The following GRIK2 variants were observed in gnomAD, a reference collection of about 807,000 sequenced individuals.
The protein encoded by GRIK2 is glutamate ionotropic receptor kainate type subunit 2.
A neutral mutation model predicts 100.3 loss-of-function variants in GRIK2; 32 were observed. The observed-to-expected ratio is 0.32, with a 90% CI of 0.24 to 0.43. The LOEUF (loss-of-function observed/expected upper bound fraction) is 0.43. GRIK2 is among the 20% of genes least tolerant of loss of function. The pLI, the probability that GRIK2 is intolerant of heterozygous loss-of-function variation, is 1.00. For missense variants in GRIK2, 843 were observed against 1,114.9 expected (o/e 0.76, Z 3.47); for synonymous variants, 417 against 389.4 (o/e 1.07, Z -0.83).
chr6:101,624,572 A>G (rs1330201655), intron 3 of GRIK2, among the ~76,000 whole-genome samples: 2 of 152,152 alleles, frequency 1.3e-5, no homozygotes, highest in Non-Finnish European at 2.9e-5. Flanking sequence ...AATAGCAGAA[A>G]TTTTCACACG....
chr6:101,791,318 C>A (rs1779839345), intron 7 of GRIK2, among the ~76,000 whole-genome samples: 1 of 152,126 alleles, frequency 6.6e-6, no homozygotes, highest in South Asian at 2.1e-4. Flanking sequence ...AATTTTGGAT[C>A]TTTCCTGCTT....
At chr6:101,730,865 G>A (rs1350492578) in intron 7 of GRIK2, among the ~76,000 whole-genome samples, 4 of 151,848 alleles carry the variant, frequency 2.6e-5, no homozygotes, top group African/African-American at 9.7e-5. Context: ...AGGATACAAA[G>A]TTAGTGTTTA....
chr6:101,903,703 A>C (rs955203822), intron 12 of GRIK2, among the ~76,000 whole-genome samples: 3 of 151,640 alleles, frequency 2.0e-5, no homozygotes, highest in Non-Finnish European at 4.4e-5. Context: ...TGTAGAAAAT[A>C]ACTCTGATTT....
At chr6:101,682,513 C>T in intron 5 of GRIK2, 40 bp from the exon 6 acceptor site, 1 of 871,700 alleles carries the variant, frequency 1.1e-6, no homozygotes, top group Non-Finnish European at 1.9e-6. Context: ...TACTGTCTTT[C>T]CTGAAATATG....
chr6:101,978,286 T>TATATG (rs1793519238), intron 14 of GRIK2, among the ~76,000 whole-genome samples: 2 of 152,018 alleles, frequency 1.3e-5, no homozygotes, highest in Admixed American at 1.3e-4. Flanking sequence ...TTATATGCAC[T>TATATG]TAATTATACA....
intron 2 of GRIK2, among the ~76,000 whole-genome samples, chr6:101,517,137 G>C (rs1211071950): frequency 6.6e-6 from 1 of 151,854 alleles, no homozygotes; most frequent in Non-Finnish European, 1.5e-5. Context: ...TATTTAATAG[G>C]AAACATTATA....
rs1176602697 is a variant in GRIK2 at position 101,871,481 on chromosome 6, C to A, written c.1524+11988C>A. Among the ~76,000 whole-genome samples, 6 of 150,984 alleles carry A rather than the reference C, an allele frequency of 4.0e-5. No individual in the cohort carries two copies. The South Asian group carries it at 6.2e-4, about 16-fold the overall frequency. On this transcript the variant is annotated intron_variant, in intron 11 of 16. Transcript: ENST00000369134. ...TTGGAGTGTGCATGATCCCATAACC[C>A]CGATAGTGAGCATCACACACAGTAG...
At chr6:101,414,089 A>G (rs1056560861) in intron 2 of GRIK2, among the ~76,000 whole-genome samples, 32 of 152,368 alleles carry the variant, frequency 2.1e-4, no homozygotes, top group African/African-American at 7.2e-4. Context: ...ATAGGTAACC[A>G]CATAAATACA....
At chr6:101,678,175 A>G (rs1440404942) in intron 5 of GRIK2, among the ~76,000 whole-genome samples, 1 of 152,124 alleles carries the variant, frequency 6.6e-6, no homozygotes, top group Non-Finnish European at 1.5e-5. Flanking sequence ...TCTAGTAAGT[A>G]TGTAAATGAT....
intron 10 of GRIK2, among the ~76,000 whole-genome samples, chr6:101,822,518 A>G (rs373882863): frequency 6.6e-6 from 1 of 152,102 alleles, no homozygotes; most frequent in African/African-American, 2.4e-5. Context: ...TTGAAAGACC[A>G]TTATGACTGG....
In GRIK2 at chr6:101,889,697, G is replaced by T. The variant is rs1402876014; in HGVS notation, c.1582G>T (p.Asp528Tyr). 1.2e-6 allele frequency: 2 copies of T among 1,610,672 alleles called. No homozygotes were observed. The highest frequency in any genetic ancestry group is 3.4e-5 in the Admixed American group (2 of 59,506). Reference protein sequence around the residue: ...AITYVREKVIDFSKPFMTLGI... With the variant: ...AITYVREKVIYFSKPFMTLGI... Reference sequence around the variant, plus strand: ...TACCTATGTTCGAGAGAAGGTCATCGACTTTTCCAAGCCCTTTATGACACT... The same window carrying T: ...TACCTATGTTCGAGAGAAGGTCATCTACTTTTCCAAGCCCTTTATGACACT... The change falls in exon 12 of 17, where the codon GAC becomes TAC. Residue 528 changes from aspartate to tyrosine, a missense_variant. Coordinates refer to ENST00000369134, the MANE Select transcript of GRIK2 (RefSeq NM_021956.5).
chr6:102,015,557 G>T (rs1795791967), intron 14 of GRIK2, among the ~76,000 whole-genome samples: 1 of 152,150 alleles, frequency 6.6e-6, no homozygotes, highest in South Asian at 2.1e-4. Context: ...TTGCCCCCCA[G>T]ATCATACTGC....
intron 14 of GRIK2, among the ~76,000 whole-genome samples, chr6:101,933,125 G>A (rs1790392488): frequency 6.6e-6 from 1 of 151,946 alleles, no homozygotes; most frequent in African/African-American, 2.4e-5. Flanking sequence ...TTCTAAGAAA[G>A]CATCTAAGGC....
At chr6:101,956,301 CAT>C (rs1318769095) in intron 14 of GRIK2, among the ~76,000 whole-genome samples, 1 of 152,120 alleles carries the variant, frequency 6.6e-6, no homozygotes, top group Non-Finnish European at 1.5e-5. Context: ...CAAAAAGCCA[CAT>C]GAGATATTAA....
At chr6:101,895,398 T>G (rs1344542820) in intron 12 of GRIK2, among the ~76,000 whole-genome samples, 4 of 151,698 alleles carry the variant, frequency 2.6e-5, no homozygotes, top group Non-Finnish European at 5.9e-5. Context: ...AACACTGTCT[T>G]AACTTTATAT....
intron 2 of GRIK2, among the ~76,000 whole-genome samples, chr6:101,399,883 C>T (rs1269708733): frequency 8.5e-5 from 13 of 152,242 alleles, no homozygotes; most frequent in Admixed American, 8.5e-4. Flanking sequence ...GGTACTAACC[C>T]TTTTGATTTC....
chr6:101,750,747 C>G (rs939119966), intron 7 of GRIK2, among the ~76,000 whole-genome samples: 1 of 152,150 alleles, frequency 6.6e-6, no homozygotes, highest in African/African-American at 2.4e-5. Context: ...AGGGTTGTAA[C>G]TATATAGAGG....
At chr6:101,670,858 T>A (rs1228979648) in intron 4 of GRIK2, among the ~76,000 whole-genome samples, 2 of 152,198 alleles carry the variant, frequency 1.3e-5, no homozygotes, top group African/African-American at 4.8e-5. Context: ...GAGTTTTACA[T>A]GTTAAACCAT....
At chr6:101,541,193 A>G (rs905684838) in intron 2 of GRIK2, among the ~76,000 whole-genome samples, 6 of 151,974 alleles carry the variant, frequency 3.9e-5, no homozygotes, top group African/African-American at 1.4e-4. Flanking sequence ...TCTGTGGCCA[A>G]AGCAGTGAAT....
Sources: allele counts gnomAD v4.1 joint callset (sites outside exome capture counted in the v4.1 genomes callset), GRCh38; gene constraint gnomAD v4.1.1; transcripts MANE v1.5; gene names NCBI Gene and HGNC (gene_info 2026-07-23, HGNC 2026-07-21).